GNG12: variants seen among roughly 807,000 people sequenced by gnomAD.
The protein encoded by GNG12 is guanine nucleotide-binding protein G(I)/G(S)/G(O) subunit gamma-12.
For synonymous variants in GNG12, 28 were observed against 29.7 expected (o/e 0.94, Z 0.19); for missense variants, 69 against 83.8 (o/e 0.82, Z 0.69).
At chr1:67,772,263 T>A (rs1486774391) in intron 2 of GNG12, among the ~76,000 whole-genome samples, 2 of 152,194 alleles carry the variant, frequency 1.3e-5, no homozygotes, top group Non-Finnish European at 2.9e-5. Flanking sequence ...CTCCTGTAGA[T>A]CCTGGGGATT....
intron 1 of GNG12, among the ~76,000 whole-genome samples, chr1:67,779,810 C>T (rs1465719632): frequency 6.6e-6 from 1 of 152,164 alleles, no homozygotes; most frequent in Non-Finnish European, 1.5e-5. Context: ...GTAGGGTGTA[C>T]TTACACAAAC....
chr1:67,782,046 T>C (rs1036864892), intron 1 of GNG12, among the ~76,000 whole-genome samples: 1 of 152,194 alleles, frequency 6.6e-6, no homozygotes, highest in Non-Finnish European at 1.5e-5. Context: ...GCAGCTACTC[T>C]ATGCAACAGC....
chr1:67,812,970 A>G (rs529403943), intron 1 of GNG12, among the ~76,000 whole-genome samples: 33 of 152,198 alleles, frequency 2.2e-4, no homozygotes, highest in Non-Finnish European at 3.5e-4. Flanking sequence ...CCAATTAGCT[A>G]TGTGAACTTG....
chr1:67,734,454 A>G (rs1035060681), intron 2 of GNG12, among the ~76,000 whole-genome samples: 1 of 152,130 alleles, frequency 6.6e-6, no homozygotes, highest in African/African-American at 2.4e-5. Context: ...AGACGCACTA[A>G]TTTACCCCTC....
At chr1:67,779,734 T>A (rs1646726623) in intron 1 of GNG12, among the ~76,000 whole-genome samples, 1 of 152,180 alleles carries the variant, frequency 6.6e-6, no homozygotes. Context: ...TATAGTTATG[T>A]GTCCCTGAAG....
intron 2 of GNG12, among the ~76,000 whole-genome samples, chr1:67,766,148 A>ACACACACACACACACACACC (rs756645057): frequency 2.2e-5 from 3 of 133,788 alleles, no homozygotes; most frequent in African/African-American, 9.3e-5. Flanking sequence ...ACACACACAC[A>ACACACACACACACACACACC]CCCCTAAACA....
At position 67,783,734 on chromosome 1, in the gene GNG12, G is replaced by A. The variant is rs372725790; in HGVS notation, c.-76-6227C>T. On this transcript the variant is annotated intron_variant, in intron 1 of 3. Coordinates refer to ENST00000370982, the MANE Select transcript of GNG12 (RefSeq NM_018841.6). ...GAAAAAATGCTCATCATCACTGGCC[G>A]TCAGAGAAATGCAAATCAAAACCAC... 5.9e-5 allele frequency among the ~76,000 whole-genome samples: 9 copies of A among 152,202 alleles called. No homozygotes were observed. The East Asian group carries it at 7.7e-4, about 13-fold the overall frequency.
At chr1:67,766,878 C>T (rs1032780762) in intron 2 of GNG12, among the ~76,000 whole-genome samples, 2 of 152,132 alleles carry the variant, frequency 1.3e-5, no homozygotes, top group Admixed American at 6.5e-5. Flanking sequence ...GGTTAGGTGT[C>T]CTCTTAGGGA....
At chr1:67,792,988 C>T (rs1646810179) in intron 1 of GNG12, among the ~76,000 whole-genome samples, 1 of 152,168 alleles carries the variant, frequency 6.6e-6, no homozygotes, top group African/African-American at 2.4e-5. Flanking sequence ...TTCTCCCAGC[C>T]TCTGACATTT....
intron 1 of GNG12, among the ~76,000 whole-genome samples, chr1:67,819,317 C>T (rs1469852926): frequency 1.3e-5 from 2 of 152,134 alleles, no homozygotes; most frequent in Non-Finnish European, 1.5e-5. Flanking sequence ...ATGATGAGAT[C>T]AGTTTTCAGC....
At chr1:67,814,297 C>G (rs1646941549) in intron 1 of GNG12, among the ~76,000 whole-genome samples, 1 of 152,220 alleles carries the variant, frequency 6.6e-6, no homozygotes, top group South Asian at 2.1e-4. Context: ...AATGCCAACT[C>G]TTTAATTCTG....
chr1:67,786,597 A>C (rs947841147), intron 1 of GNG12, among the ~76,000 whole-genome samples: 1 of 152,122 alleles, frequency 6.6e-6, no homozygotes, highest in Non-Finnish European at 1.5e-5. Flanking sequence ...GCAATGTGGA[A>C]GGTGGTAGAG....
chr1:67,777,402 T>A (rs890994203), intron 2 of GNG12, 56 bp downstream of exon 2: 2 of 320,598 alleles, frequency 6.2e-6, no homozygotes, highest in African/African-American at 2.2e-5. Flanking sequence ...GAAGTGTGAA[T>A]ATCATCTCAA....
intron 1 of GNG12, among the ~76,000 whole-genome samples, chr1:67,822,949 G>T (rs1646992496): frequency 1.3e-5 from 2 of 152,132 alleles, no homozygotes; most frequent in African/African-American, 4.8e-5. Flanking sequence ...CAAAAAGAAA[G>T]ATGATTCCAT....
intron 2 of GNG12, among the ~76,000 whole-genome samples, chr1:67,729,807 G>A (rs1646408679): frequency 6.6e-6 from 1 of 152,142 alleles, no homozygotes; most frequent in Non-Finnish European, 1.5e-5. Flanking sequence ...GATTCCCAGG[G>A]CTTCCTGAGA....
At chr1:67,818,558 G>A (rs1646967667) in intron 1 of GNG12, among the ~76,000 whole-genome samples, 1 of 151,646 alleles carries the variant, frequency 6.6e-6, no homozygotes, top group East Asian at 1.9e-4. Flanking sequence ...TAAAATGATG[G>A]TCAAATTGCT....
intron 2 of GNG12, among the ~76,000 whole-genome samples, chr1:67,765,533 C>A (rs554776648): frequency 1.3e-5 from 2 of 152,136 alleles, no homozygotes; most frequent in African/African-American, 4.8e-5. Context: ...AATCAACAAA[C>A]GCTTAACAAA....
At chr1:67,820,949 A>G (rs1050884179) in intron 1 of GNG12, among the ~76,000 whole-genome samples, 4 of 152,244 alleles carry the variant, frequency 2.6e-5, no homozygotes, top group African/African-American at 7.2e-5. Context: ...CCACTATGAT[A>G]ATGATGTCAA....
At chr1:67,810,976 C>G (rs527800070) in intron 1 of GNG12, among the ~76,000 whole-genome samples, 2 of 152,246 alleles carry the variant, frequency 1.3e-5, no homozygotes, top group South Asian at 4.2e-4. Flanking sequence ...AGTGGTTCGA[C>G]CCCCTGGACC....
Sources: allele counts gnomAD v4.1 joint callset (sites outside exome capture counted in the v4.1 genomes callset), GRCh38; gene constraint gnomAD v4.1.1; transcripts MANE v1.5; gene names NCBI Gene and HGNC (gene_info 2026-07-23, HGNC 2026-07-21).